The following CDH13 variants were observed in gnomAD, a reference collection of about 807,000 sequenced individuals.
CDH13 encodes cadherin-13.
CDH13 carries 24 observed loss-of-function variants against 63.8 expected under a neutral mutation model. The observed-to-expected ratio is 0.38, with a 90% CI of 0.27 to 0.53. The LOEUF (loss-of-function observed/expected upper bound fraction) is 0.53. Ranked by LOEUF, CDH13 falls within the 20% of genes least tolerant of loss-of-function variation. The probability of loss-of-function intolerance (pLI) is 0.85; values close to 1 mark genes in which losing one functional copy is unlikely to be tolerated. For missense variants in CDH13, 1,049 were observed against 903.1 expected, an observed-to-expected ratio of 1.16 and a Z score of -2.07; for synonymous variants, 503 against 355.3, an observed-to-expected ratio of 1.42 and a Z score of -4.67.
At chr16:82,728,428 A>T (rs1338177750) in intron 1 of CDH13, among the ~76,000 whole-genome samples, 1 of 122,704 alleles carries the variant, frequency 8.1e-6, no homozygotes, top group African/African-American at 3.0e-5. Context: ...GAATATTACA[A>T]TAAAGAGAGG....
chr16:83,558,997 G>C (rs770360278), intron 7 of CDH13, among the ~76,000 whole-genome samples: 1 of 152,064 alleles, frequency 6.6e-6, no homozygotes, highest in African/African-American at 2.4e-5. Flanking sequence ...AATGGGGTCA[G>C]CATCTCATAA....
At chr16:82,628,311 G>A (rs1907602507) in intron 1 of CDH13, among the ~76,000 whole-genome samples, 1 of 152,158 alleles carries the variant, frequency 6.6e-6, no homozygotes, top group African/African-American at 2.4e-5. Flanking sequence ...GAGTGCCTCA[G>A]GGTGCTAGGA....
At chr16:83,043,402 T>C (rs2151491266) in intron 3 of CDH13, among the ~76,000 whole-genome samples, 1 of 152,252 alleles carries the variant, frequency 6.6e-6, no homozygotes, top group Middle Eastern at 3.4e-3. Context: ...GAAAGCCACG[T>C]ATGTCATTTA....
rs553965607 is a variant in CDH13 at position 83,181,297 on chromosome 16, T to C, written c.484-36048T>C. On this transcript the variant is annotated intron_variant, in intron 4 of 13. Coordinates refer to ENST00000567109, the MANE Select transcript of CDH13 (RefSeq NM_001257.5). ...TGACTAGGGGAGTTTGTTCACAGAA[T>C]CAAGCGAATTCCCATCCTCACCCTC... is the stretch of plus-strand genomic sequence containing the variant. Among the ~76,000 whole-genome samples, 8 of 152,302 alleles carry C rather than the reference T, an allele frequency of 5.3e-5. No homozygotes were observed. The South Asian group carries it at 1.5e-3, about 28-fold the overall frequency.
intron 13 of CDH13, among the ~76,000 whole-genome samples, chr16:83,783,723 C>G (rs567155472): frequency 3.9e-5 from 6 of 152,294 alleles, no homozygotes; most frequent in South Asian, 2.1e-4. Context: ...AGCCTGCAAA[C>G]TAGGTGGTAA....
chr16:83,441,218 G>A (rs1476564999), intron 6 of CDH13, among the ~76,000 whole-genome samples: 1 of 152,106 alleles, frequency 6.6e-6, no homozygotes, highest in Admixed American at 6.5e-5. Context: ...GTCATTTGTT[G>A]GCACTCAATC....
intron 10 of CDH13, among the ~76,000 whole-genome samples, chr16:83,694,317 A>G (rs973401522): frequency 7.2e-5 from 11 of 152,200 alleles, no homozygotes; most frequent in African/African-American, 2.7e-4. Flanking sequence ...CATGTCCCAT[A>G]TCTACTCCTG....
intron 6 of CDH13, among the ~76,000 whole-genome samples, chr16:83,355,694 A>G (rs908661669): frequency 1.3e-5 from 2 of 152,230 alleles, no homozygotes; most frequent in African/African-American, 2.4e-5. Flanking sequence ...GGGTGAATGC[A>G]TGAAACAGAA....
rs905741101 is a variant in CDH13 at position 82,794,402 on chromosome 16, TTTTTC to T, written c.46-63945_46-63941del. On this transcript the variant is annotated intron_variant, in intron 1 of 13. Coordinates refer to ENST00000567109, the MANE Select transcript of CDH13 (RefSeq NM_001257.5). ...CATCTGAACATCAGAAAGGAATTTT[TTTTTC>T]TTTTCTTTTCTTTTGTTTTTTTTCT... Among the ~76,000 whole-genome samples, 9 of 124,664 alleles carry T rather than the reference TTTTTC, an allele frequency of 7.2e-5. No homozygotes were observed. In the East Asian group the frequency reaches 1.3e-3, roughly 18 times the overall value. 81.8% of individuals were successfully genotyped at this position (124,664 alleles called of 152,430 possible).
intron 4 of CDH13, among the ~76,000 whole-genome samples, chr16:83,156,666 A>G (rs539236410): frequency 6.6e-6 from 1 of 152,348 alleles, no homozygotes; most frequent in South Asian, 2.1e-4. Flanking sequence ...ACCTGCTGCC[A>G]GGGCTTGACT....
At chr16:82,822,698 T>C (rs1219240467) in intron 1 of CDH13, among the ~76,000 whole-genome samples, 2 of 152,214 alleles carry the variant, frequency 1.3e-5, no homozygotes, top group Non-Finnish European at 2.9e-5. Context: ...TCTCCCTGTG[T>C]TACCCAGGTT....
intron 5 of CDH13, among the ~76,000 whole-genome samples, chr16:83,307,245 A>C (rs2089902233): frequency 6.6e-6 from 1 of 152,112 alleles, no homozygotes; most frequent in East Asian, 1.9e-4. Flanking sequence ...TGTGGCGATA[A>C]TTCTAGTTCC....
intron 4 of CDH13, among the ~76,000 whole-genome samples, chr16:83,214,194 G>T (rs2039425442): frequency 6.6e-6 from 1 of 152,106 alleles, no homozygotes; most frequent in Non-Finnish European, 1.5e-5. Context: ...CAGTGACAGA[G>T]AAGAGGTGAG....
Position 83,569,175 on chromosome 16 carries a change from G to A in CDH13, c.961-33279G>A, listed in dbSNP as rs565013048. ...GTGCTTTGCACATGCTCTTCCTCCA[G>A]CCTTTGCACTCTTTCCTTCCCTCGT... On this transcript the variant is annotated intron_variant, in intron 7 of 13. Transcript: ENST00000567109. Among the ~76,000 whole-genome samples the A allele has an allele frequency of 3.9e-5, 6 of 151,958 alleles. No homozygotes were observed. The South Asian group carries it at 1.0e-3, about 26-fold the overall frequency.
At chr16:83,103,140 A>G (rs1316207690) in intron 3 of CDH13, among the ~76,000 whole-genome samples, 2 of 149,238 alleles carry the variant, frequency 1.3e-5, no homozygotes, top group Non-Finnish European at 3.0e-5. Context: ...TTTAGTAGAG[A>G]TGGGGTTCCA....
At chr16:83,430,434 G>A (rs549998628) in intron 6 of CDH13, among the ~76,000 whole-genome samples, 2 of 152,198 alleles carry the variant, frequency 1.3e-5, no homozygotes, top group East Asian at 1.9e-4. Flanking sequence ...CTAATTGATG[G>A]GAGCTAAAGT....
chr16:83,628,688 C>T (rs16961072), intron 8 of CDH13, among the ~76,000 whole-genome samples: 61,248 of 151,858 alleles, frequency 0.4, 12,566 homozygotes, highest in South Asian at 0.5. Context: ...CAATAGGAGG[C>T]GAAGATCTCT....
At chr16:83,548,097 G>T (rs1323188668) in intron 7 of CDH13, among the ~76,000 whole-genome samples, 1 of 79,088 alleles carries the variant, frequency 1.3e-5, no homozygotes, top group African/African-American at 5.2e-5. Context: ...GGAGCAGGAA[G>T]GGGGGGATGG....
chr16:83,142,160 G>GTTTTTTTTT (rs11445521), intron 4 of CDH13, among the ~76,000 whole-genome samples: 8 of 120,372 alleles, frequency 6.6e-5, no homozygotes, highest in African/African-American at 9.5e-5. Context: ...GTTTGTTTTT[G>GTTTTTTTTT]TTTTTTTTTT....
Sources: gnomAD v4.1 joint callset for allele counts (sites outside exome capture counted in the v4.1 genomes callset) on GRCh38, gnomAD v4.1.1 for gene constraint, MANE v1.5 for transcripts, NCBI Gene and HGNC (gene_info 2026-07-23, HGNC 2026-07-21) for gene names.